Variants in C6orf132 observed in about 807,000 individuals in gnomAD.
C6orf132 encodes chromosome 6 open reading frame 132.
C6orf132 carries 43 observed loss-of-function variants against 65.3 expected under a neutral mutation model. The observed-to-expected ratio is 0.66, with a 90% CI of 0.52 to 0.85. C6orf132 has a LOEUF of 0.85. C6orf132 is among the 40% of genes least tolerant of loss of function. C6orf132 has a pLI of 0.00. For missense variants in C6orf132, 1,488 were observed against 1,548.8 expected, an observed-to-expected ratio of 0.96 and a Z score of 0.66; for synonymous variants, 631 against 654.1, an observed-to-expected ratio of 0.96 and a Z score of 0.54.
At chr6:42,136,051 A>G (rs986899829) in intron 1 of C6orf132, among the ~76,000 whole-genome samples, 2 of 152,130 alleles carry the variant, frequency 1.3e-5, no homozygotes, top group Non-Finnish European at 2.9e-5. Context: ...AGCATGGCAC[A>G]TGTATACATA....
At chr6:42,135,643 A>G (rs1766929392) in intron 1 of C6orf132, among the ~76,000 whole-genome samples, 1 of 152,232 alleles carries the variant, frequency 6.6e-6, no homozygotes, top group South Asian at 2.1e-4. Flanking sequence ...ACAGTTATTT[A>G]GTTCTTTCCC....
At chr6:42,123,495 AAG>A (rs1766720774) in intron 2 of C6orf132, among the ~76,000 whole-genome samples, 1 of 107,020 alleles carries the variant, frequency 9.3e-6, no homozygotes, top group African/African-American at 4.0e-5. Context: ...AGAAGAAGAA[AAG>A]AAGAAAGAAG....
chr6:42,120,052 C>G (rs1352338811), intron 2 of C6orf132, among the ~76,000 whole-genome samples: 1 of 151,624 alleles, frequency 6.6e-6, no homozygotes, highest in South Asian at 2.1e-4. Flanking sequence ...CAAGATCATG[C>G]CATTGCACCC....
chr6:42,102,862 G>C lies in C6orf132; in HGVS notation c.*899C>G. 2 of 392,544 alleles carry C rather than the reference G, an allele frequency of 5.1e-6. No individual in the cohort carries two copies. The highest frequency in any genetic ancestry group is 9.0e-6 in the Non-Finnish European group (2 of 222,706). The allele number at this position is 392,544 out of a possible 1,614,324, so 24.3% of individuals were successfully genotyped here. A position where few individuals can be genotyped will look rare whatever the true frequency, so the allele number is the denominator to read the frequency against. ...TTGGTGACTTGTAGTATCAGTGTTA[G>C]GAAAAATGCCTTCTCCAAATCCCAT... is the stretch of plus-strand genomic sequence containing the variant. On this transcript the variant is annotated 3_prime_UTR_variant, in exon 5 of 5. Transcript: ENST00000341865.
Position 42,103,739 on chromosome 6 carries a change from T to C in C6orf132, c.*22A>G, listed in dbSNP as rs1582266145. 2.3e-6 allele frequency: 3 copies of C among 1,324,456 alleles called. No homozygotes were observed. In the East Asian group the frequency reaches 9.0e-5, roughly 40 times the overall value. 82.0% of individuals were successfully genotyped at this position (1,324,456 alleles called of 1,614,324 possible). ...TCCTTAAAGACACAGTTTGTTGGAG[T>C]AGAGCTAAGAGAACCCCTGGCTCAG... On this transcript the variant is annotated 3_prime_UTR_variant, in exon 5 of 5. Transcript: ENST00000341865.
At chr6:42,137,822 C>T (rs762015761) in intron 1 of C6orf132, among the ~76,000 whole-genome samples, 46 of 40,548 alleles carry the variant, frequency 1.1e-3, no homozygotes, top group East Asian at 4.4e-3. Flanking sequence ...GGGGCGGGGG[C>T]GGGGCGGGGC....
chr6:42,138,370 C>T (rs1017378388), intron 1 of C6orf132, among the ~76,000 whole-genome samples: 1 of 152,206 alleles, frequency 6.6e-6, no homozygotes, highest in Non-Finnish European at 1.5e-5. Flanking sequence ...TGGCTTTCTG[C>T]AACCTCTGCC....
chr6:42,111,502 C>G (rs9381142), intron 2 of C6orf132, among the ~76,000 whole-genome samples: 5 of 151,686 alleles, frequency 3.3e-5, no homozygotes, highest in Non-Finnish European at 7.4e-5. Context: ...CAGGCTGGTC[C>G]TGAACTCCTG....
chr6:42,106,862 G>T lies in C6orf132; in HGVS notation c.1050C>A (p.Ser350=). ...CGGGGGCCCTGTCTGGGTAGACCTG[G>T]GAGGCGGGGCGGATGTGGAAGCTGG... is the stretch of plus-strand genomic sequence containing the variant. The part of the protein sequence containing the change: ...LPPSFHIRPA[S]QVYPDRAPEP... The change falls in exon 4 of 5, where the codon TCC becomes TCA. Residue 350 remains serine (S), a synonymous_variant. Coordinates refer to ENST00000341865, the MANE Select transcript of C6orf132 (RefSeq NM_001164446.3). 6.5e-7 allele frequency: 1 copy of T among 1,535,744 alleles called. No homozygotes were observed. Among genetic ancestry groups the T allele is most frequent in the South Asian group, 1.2e-5 (1 of 84,002 alleles).
chr6:42,123,469 A>G (rs1400839054), intron 2 of C6orf132, among the ~76,000 whole-genome samples: 1 of 119,116 alleles, frequency 8.4e-6, no homozygotes, highest in Non-Finnish European at 1.9e-5. Context: ...GAAGGAGAAG[A>G]AGGAGAAGGA....
In C6orf132 at chr6:42,142,549, A is replaced by G; in HGVS notation, c.-105T>C. Reference sequence around the variant, plus strand: ...TCTCCCCAGGGGACTCTACCAGGCCATGTCCCCCGCCGTCCTCCCCGCCCG... The same window carrying G: ...TCTCCCCAGGGGACTCTACCAGGCCGTGTCCCCCGCCGTCCTCCCCGCCCG... On this transcript the variant is annotated 5_prime_UTR_variant, in exon 1 of 5. An upstream start codon of the reference 5' UTR is lost. Transcript: ENST00000341865. The G allele has an allele frequency of 2.3e-6, 2 of 869,512 alleles. No homozygotes were observed. The highest frequency in any genetic ancestry group is 1.5e-6 in the Non-Finnish European group (1 of 669,318). 53.9% of individuals were successfully genotyped at this position (869,512 alleles called of 1,614,324 possible). A position where few individuals can be genotyped will look rare whatever the true frequency, so the allele number is the denominator to read the frequency against.
chr6:42,115,684 C>A (rs1324296140), intron 2 of C6orf132, among the ~76,000 whole-genome samples: 2 of 152,030 alleles, frequency 1.3e-5, no homozygotes, highest in Non-Finnish European at 2.9e-5. Flanking sequence ...ACGGTTAAAA[C>A]GGTAAATTTT....
intron 1 of C6orf132, among the ~76,000 whole-genome samples, chr6:42,134,292 A>C (rs912919812): frequency 6.6e-6 from 1 of 152,218 alleles, no homozygotes; most frequent in African/African-American, 2.4e-5. Context: ...ACATGTGAAC[A>C]GTGGTCCCTG....
Position 42,107,547 on chromosome 6 carries a change from T to C in C6orf132, c.365A>G (p.Tyr122Cys), listed in dbSNP as rs1766434131. 1 of 1,550,744 alleles carries C rather than the reference T, an allele frequency of 6.4e-7. No homozygotes were observed. Among genetic ancestry groups the C allele is most frequent in the Non-Finnish European group, 8.7e-7 (1 of 1,146,726 alleles). ...SSLVNGNLRL[Y>C]SSVGDLRPGQ... ...AGGCCTCAGGTCACCCACAGAGCTG[T>C]ACAGTCGGAGGTTGCCATTGACTAG... The change falls in exon 4 of 5, where the codon TAC (tyrosine) becomes TGC (cysteine). Residue 122 changes from tyrosine to cysteine, a missense_variant. Physicochemically the swap from Tyr to Cys is radical, Grantham distance 194. Transcript: ENST00000341865.
At chr6:42,135,981 T>C (rs1766934482) in intron 1 of C6orf132, among the ~76,000 whole-genome samples, 2 of 151,958 alleles carry the variant, frequency 1.3e-5, no homozygotes, top group African/African-American at 4.8e-5. Context: ...CTCCCCTCCA[T>C]CTCTTGTTTT....
In C6orf132 at chr6:42,123,538, GAGA is replaced by G. The variant is rs562794164; in HGVS notation, c.252+5131_252+5133del. 4.6e-5 allele frequency among the ~76,000 whole-genome samples: 7 copies of G among 151,564 alleles called. No homozygotes were observed. The South Asian group carries it at 1.3e-3, about 27-fold the overall frequency. ...GGAGAGGGAGGTGGAGGAGGAGGAG[GAGA>G]AGGAGAGGAAGAGGAAGAGAAGAAG... On this transcript the variant is annotated intron_variant, in intron 2 of 4. Coordinates refer to ENST00000341865, the MANE Select transcript of C6orf132 (RefSeq NM_001164446.3).
At chr6:42,121,233 GCT>G (rs1335868588) in intron 2 of C6orf132, among the ~76,000 whole-genome samples, 1 of 152,226 alleles carries the variant, frequency 6.6e-6, no homozygotes, top group Non-Finnish European at 1.5e-5. Context: ...TTGGGCCACT[GCT>G]CCGGGCACAG....
chr6:42,132,245 G>A (rs947197323), intron 1 of C6orf132, among the ~76,000 whole-genome samples: 5 of 152,186 alleles, frequency 3.3e-5, no homozygotes, highest in Admixed American at 3.3e-4. Flanking sequence ...GCTGGGTGCG[G>A]GGGCTCACAC....
chr6:42,115,121 C>G (rs539720155), intron 2 of C6orf132, among the ~76,000 whole-genome samples: 2 of 150,702 alleles, frequency 1.3e-5, no homozygotes, highest in South Asian at 4.2e-4. Flanking sequence ...GAAATCCCAT[C>G]TGTACTAAAA....
Sources: allele counts gnomAD v4.1 joint callset (sites outside exome capture counted in the v4.1 genomes callset), GRCh38; gene constraint gnomAD v4.1.1; transcripts MANE v1.5; gene names NCBI Gene and HGNC (gene_info 2026-07-23, HGNC 2026-07-21).